The following SLC4A10 variants were observed in gnomAD, a reference collection of about 807,000 sequenced individuals.
The protein encoded by SLC4A10 is solute carrier family 4 member 10.
A neutral mutation model predicts 137.7 loss-of-function variants in SLC4A10; 42 were observed. The observed-to-expected ratio is 0.30, with a 90% CI of 0.24 to 0.39. The LOEUF (loss-of-function observed/expected upper bound fraction) is 0.39. SLC4A10 is among the 10% of genes least tolerant of loss of function. The pLI, the probability that SLC4A10 is intolerant of heterozygous loss-of-function variation, is 1.00. For missense variants in SLC4A10, 925 were observed against 1,355.0 expected, an observed-to-expected ratio of 0.68 and a Z score of 4.98; for synonymous variants, 474 against 464.1, an observed-to-expected ratio of 1.02 and a Z score of -0.27.
At chr2:161,768,761 T>C (rs2051205556) in intron 1 of SLC4A10, among the ~76,000 whole-genome samples, 1 of 151,994 alleles carries the variant, frequency 6.6e-6, no homozygotes, top group African/African-American at 2.4e-5. Context: ...ACTGTTTATA[T>C]GGTAACTACA....
intron 1 of SLC4A10, among the ~76,000 whole-genome samples, chr2:161,720,056 T>C (rs1457349881): frequency 6.6e-6 from 1 of 152,246 alleles, no homozygotes; most frequent in Non-Finnish European, 1.5e-5. Context: ...TAATCCATCT[T>C]GAATTAATTT....
chr2:161,920,805 C>T (rs957376798), intron 15 of SLC4A10, among the ~76,000 whole-genome samples: 1 of 152,208 alleles, frequency 6.6e-6, no homozygotes, highest in Non-Finnish European at 1.5e-5. Context: ...GTTTACTGTT[C>T]TGTTCATACA....
chr2:161,927,428 C>T (rs527652553), intron 15 of SLC4A10, among the ~76,000 whole-genome samples: 16 of 152,280 alleles, frequency 1.1e-4, no homozygotes, highest in African/African-American at 3.8e-4. Context: ...TTAAGCACTT[C>T]TCTGTATTGG....
intron 1 of SLC4A10, among the ~76,000 whole-genome samples, chr2:161,693,832 A>G (rs1357099790): frequency 6.6e-6 from 1 of 151,582 alleles, no homozygotes; most frequent in Non-Finnish European, 1.5e-5. Flanking sequence ...AAAATATCCT[A>G]TTGTCTGTAT....
chr2:161,816,718 C>G (rs1457520440), intron 3 of SLC4A10, among the ~76,000 whole-genome samples: 1 of 147,976 alleles, frequency 6.8e-6, no homozygotes, highest in Admixed American at 6.9e-5. Flanking sequence ...CTGTGAGTGA[C>G]AACATGCGGT....
chr2:161,671,866 CA>C (rs2039765667), intron 1 of SLC4A10, among the ~76,000 whole-genome samples: 1 of 151,980 alleles, frequency 6.6e-6, no homozygotes, highest in Non-Finnish European at 1.5e-5. Context: ...TGAGAATGAT[CA>C]AAAAACCCTA....
chr2:161,879,335 T>A, intron 9 of SLC4A10, 47 bp downstream of exon 9: 2 of 1,510,628 alleles, frequency 1.3e-6, no homozygotes, highest in Non-Finnish European at 1.8e-6. Flanking sequence ...AACCATCTTT[T>A]CATGGAAAGA....
At chr2:161,761,021 A>G (rs772349031) in intron 1 of SLC4A10, among the ~76,000 whole-genome samples, 17 of 152,220 alleles carry the variant, frequency 1.1e-4, no homozygotes, top group Non-Finnish European at 2.2e-4. Flanking sequence ...AACAATAATA[A>G]CAAACATTTA....
At chr2:161,912,489 T>A (rs1686088108) in intron 15 of SLC4A10, among the ~76,000 whole-genome samples, 2 of 152,128 alleles carry the variant, frequency 1.3e-5, no homozygotes. Flanking sequence ...TTAAGTGGAA[T>A]ATAGTAATGT....
At chr2:161,668,151 A>G (rs1198894205) in intron 1 of SLC4A10, among the ~76,000 whole-genome samples, 7 of 151,950 alleles carry the variant, frequency 4.6e-5, no homozygotes, top group Middle Eastern at 3.4e-3. Context: ...CACTGATTAA[A>G]GTATGGAATG....
chr2:161,651,634 T>C (rs1004288877), intron 1 of SLC4A10, among the ~76,000 whole-genome samples: 4 of 152,202 alleles, frequency 2.6e-5, no homozygotes, highest in Non-Finnish European at 5.9e-5. Flanking sequence ...CAAGTCCAGA[T>C]GTGGGTGCCC....
intron 3 of SLC4A10, among the ~76,000 whole-genome samples, chr2:161,805,205 A>G (rs2055807478): frequency 1.3e-5 from 2 of 152,236 alleles, no homozygotes; most frequent in African/African-American, 4.8e-5. Context: ...CTTACTCACT[A>G]TCACGAGAAA....
intron 1 of SLC4A10, among the ~76,000 whole-genome samples, 192 bp downstream of exon 1, chr2:161,624,758 C>A (rs896538579): frequency 1.1e-4 from 16 of 152,048 alleles, no homozygotes; most frequent in Admixed American, 5.9e-4. Context: ...CTCCTCCCCC[C>A]CCCTTCTCAA....
intron 6 of SLC4A10, among the ~76,000 whole-genome samples, chr2:161,870,849 TAA>T (rs2061073614): frequency 6.6e-6 from 1 of 151,866 alleles, no homozygotes; most frequent in African/African-American, 2.4e-5. Flanking sequence ...GAACTTATTT[TAA>T]AAAGTCATTT....
intron 10 of SLC4A10, among the ~76,000 whole-genome samples, chr2:161,894,046 C>T (rs949626031): frequency 6.6e-6 from 1 of 151,872 alleles, no homozygotes; most frequent in Non-Finnish European, 1.5e-5. Context: ...TAAGAGAAAC[C>T]ATAGAAAGTA....
At chr2:161,910,179 T>G (rs573742100) in intron 15 of SLC4A10, among the ~76,000 whole-genome samples, 1 of 152,270 alleles carries the variant, frequency 6.6e-6, no homozygotes, top group African/African-American at 2.4e-5. Context: ...TCAGATTTCC[T>G]TAAATTCATA....
At chr2:161,916,442 G>A (rs1687134385) in intron 15 of SLC4A10, among the ~76,000 whole-genome samples, 1 of 152,096 alleles carries the variant, frequency 6.6e-6, no homozygotes, top group Admixed American at 6.5e-5. Context: ...CTTCTAGCTG[G>A]TGTCTTTAAT....
At chr2:161,737,026 A>AT (rs891098178) in intron 1 of SLC4A10, among the ~76,000 whole-genome samples, 53 of 146,274 alleles carry the variant, frequency 3.6e-4, no homozygotes, top group South Asian at 1.1e-3. Context: ...ATGCCCAGTG[A>AT]TTTTTTTTTT....
At chr2:161,713,247 C>G (rs957670843) in intron 1 of SLC4A10, among the ~76,000 whole-genome samples, 1 of 151,622 alleles carries the variant, frequency 6.6e-6, no homozygotes, top group Non-Finnish European at 1.5e-5. Context: ...AAACTGAGAA[C>G]ATTTCTTTGC....
Sources: allele counts gnomAD v4.1 joint callset (sites outside exome capture counted in the v4.1 genomes callset), GRCh38; gene constraint gnomAD v4.1.1; transcripts MANE v1.5; gene names NCBI Gene and HGNC (gene_info 2026-07-23, HGNC 2026-07-21).